ACSM2B: variants seen among roughly 807,000 people sequenced by gnomAD.
ACSM2B encodes acyl-CoA synthetase medium chain family member 2B.
A neutral mutation model predicts 78.6 loss-of-function variants in ACSM2B; 58 were observed. The ratio of observed to expected loss-of-function variants is 0.74; its 90% CI spans 0.60 to 0.92. The LOEUF (loss-of-function observed/expected upper bound fraction) is 0.92, where lower values mean the gene tolerates loss of function less well. ACSM2B is among the 40% of genes least tolerant of loss of function. The probability of loss-of-function intolerance (pLI) is 0.00; values close to 1 mark genes in which losing one functional copy is unlikely to be tolerated. For missense variants in ACSM2B, 688 were observed against 711.2 expected (o/e 0.97, Z 0.37); for synonymous variants, 257 against 256.8 (o/e 1.00, Z -0.01).
At chr16:20,555,594 C>T (rs1344714314) in intron 3 of ACSM2B, 118 bp from the exon 4 acceptor site, 10 of 1,509,024 alleles carry the variant, frequency 6.6e-6, no homozygotes, top group Non-Finnish European at 8.8e-6. Flanking sequence ...GAAGTAATGA[C>T]CAATGGAGAA....
At chr16:20,547,807 G>C (rs2015184210) in intron 8 of ACSM2B, 2 of 1,021,650 alleles carry the variant, frequency 2.0e-6, no homozygotes, top group Non-Finnish European at 1.3e-6. Flanking sequence ...CTCACCACCT[G>C]CCATGCTAGA....
In ACSM2B at chr16:20,565,147, G is replaced by A. The variant is rs142107533; in HGVS notation, c.-8-294C>T. Among the ~76,000 whole-genome samples the A allele has an allele frequency of 4.0e-4, 61 of 152,204 alleles. 1 individual carries two copies. The East Asian group carries it at 0.01, about 26-fold the overall frequency. ...AATCCCCTTGTGCTTAAAATACAGT[G>A]GGTCATAGATGGGATAGTTGTTCCC... On this transcript the variant is annotated intron_variant, in intron 1 of 13. Coordinates refer to ENST00000329697, the MANE Select transcript of ACSM2B (RefSeq NM_001105069.2).
chr16:20,573,476 G>A (rs1407923834), intron 1 of ACSM2B, among the ~76,000 whole-genome samples: 1 of 146,606 alleles, frequency 6.8e-6, no homozygotes, highest in African/African-American at 2.7e-5. Flanking sequence ...TGGGTGGGGA[G>A]GAAGTTGTTT....
At chr16:20,556,889 T>C (rs1461754602) in intron 3 of ACSM2B, among the ~76,000 whole-genome samples, 1 of 152,178 alleles carries the variant, frequency 6.6e-6, no homozygotes, top group Non-Finnish European at 1.5e-5. Context: ...TGGCTTGTTC[T>C]CTCTTTCCAC....
At chr16:20,565,580 T>C (rs12925561) in intron 1 of ACSM2B, among the ~76,000 whole-genome samples, 1 of 152,032 alleles carries the variant, frequency 6.6e-6, no homozygotes, top group Non-Finnish European at 1.5e-5. Flanking sequence ...TTTCTTTAAA[T>C]TGAATCTGGA....
chr16:20,548,197 A>T lies in ACSM2B; in HGVS notation c.975-12T>A. 3 of 1,613,984 alleles carry T rather than the reference A, an allele frequency of 1.9e-6. No homozygotes were observed. Among genetic ancestry groups the T allele is most frequent in the Non-Finnish European group, 2.5e-6 (3 of 1,179,888 alleles). On this transcript the variant is annotated splice_polypyrimidine_tract_variant and intron_variant, in intron 7 of 13. Transcript: ENST00000329697. ...GGGGGAACTTGTAACTGAAGAAGAG[A>T]AATAAATGTTTGCCCTCAGCCTCCC...
chr16:20,542,366 G>A (rs1269243139), intron 12 of ACSM2B: 2 of 151,138 alleles, frequency 1.3e-5, no homozygotes, highest in African/African-American at 4.9e-5. Context: ...TTTATTTTCT[G>A]TGCCTGGCTT....
rs545458864 is a variant in ACSM2B, at chr16:20,564,616, T to C, written c.177+53A>G. The C allele has an allele frequency of 7.1e-4, 1,132 of 1,585,618 alleles. 2 individuals are homozygous for C. Among genetic ancestry groups the C allele is most frequent in the Non-Finnish European group, 8.5e-4 (988 of 1,168,808 alleles). On this transcript the variant is annotated intron_variant, in intron 2 of 13. Transcript: ENST00000329697. ...AATATTTACTGAATTAATGGATGAA[T>C]TTTAAAAGTCAACAAAATTGTCTCA...
intron 3 of ACSM2B, among the ~76,000 whole-genome samples, chr16:20,556,010 C>G (rs573274775): frequency 6.6e-6 from 1 of 151,972 alleles, no homozygotes; most frequent in Non-Finnish European, 1.5e-5. Flanking sequence ...GGGTACAAAG[C>G]GGTATTATAA....
rs71377664 is a variant in ACSM2B, at chr16:20,540,250, G to GTT, written c.1629+402_1629+403dup. Reference sequence around the variant, plus strand: ...TTTTTTTTTTTTGTTTGTTTGTTTGGTTTTTTTTTTGAGACAGGGTCTCAC... The same window carrying GTT: ...TTTTTTTTTTTTGTTTGTTTGTTTGGTTTTTTTTTTTTGAGACAGGGTCTCAC... On this transcript the variant is annotated intron_variant, in intron 13 of 13. Coordinates refer to ENST00000329697, the MANE Select transcript of ACSM2B (RefSeq NM_001105069.2). Among the ~76,000 whole-genome samples the GTT allele has an allele frequency of 8.6e-3, 1,238 of 143,438 alleles. 14 individuals are homozygous for GTT. The highest frequency in any genetic ancestry group is 0.013 in the Non-Finnish European group (892 of 66,162). 94.1% of individuals were successfully genotyped at this position (143,438 alleles called of 152,430 possible). A position where few individuals can be genotyped will look rare whatever the true frequency, so the allele number is the denominator to read the frequency against.
At chr16:20,540,603 A>C in intron 13 of ACSM2B, 51 bp downstream of exon 13, 1 of 1,601,146 alleles carries the variant, frequency 6.2e-7, no homozygotes, top group Non-Finnish European at 8.5e-7. Context: ...ATATAACAGG[A>C]AAACAATCTA....
intron 1 of ACSM2B, among the ~76,000 whole-genome samples, chr16:20,573,221 C>A (rs1272347035): frequency 1.3e-5 from 2 of 151,784 alleles, no homozygotes; most frequent in Non-Finnish European, 2.9e-5. Context: ...ATCTGGGGCT[C>A]AAGGCTACTG....
At chr16:20,564,625 T>C (rs2015763159) in intron 2 of ACSM2B, 44 bp downstream of exon 2, 2 of 1,596,836 alleles carry the variant, frequency 1.3e-6, no homozygotes, top group Non-Finnish European at 8.5e-7. Context: ...ATTTTAAAAG[T>C]CAACAAAATT....
intron 1 of ACSM2B, among the ~76,000 whole-genome samples, chr16:20,575,229 T>C (rs935198172): frequency 4.0e-5 from 6 of 151,858 alleles, no homozygotes; most frequent in Non-Finnish European, 8.8e-5. Context: ...CCAAAATCTG[T>C]ATTAGTCAGG....
At position 20,543,098 on chromosome 16, in the gene ACSM2B, C is replaced by T. The variant is rs375757501; in HGVS notation, c.1409+37G>A. 2.4e-5 allele frequency: 38 copies of T among 1,613,560 alleles called. No homozygotes were observed. The African/African-American group carries it at 4.7e-4, about 20-fold the overall frequency. ...AGTCTGGAACCAGCCAGAGTAAAGA[C>T]CCAGATTTCCCTTCCCAACCCAGAA... On this transcript the variant is annotated intron_variant, in intron 11 of 13. Coordinates refer to ENST00000329697, the MANE Select transcript of ACSM2B (RefSeq NM_001105069.2).
rs1225787503 is a variant in ACSM2B at position 20,559,421 on chromosome 16, G to A, written c.204C>T (p.Ala68=). Residue 68 remains alanine, a synonymous_variant, in exon 3 of 14, where the codon GCC becomes GCT. Transcript: ENST00000329697. ...EKAGKRLPSP[A]LWWVNGKGKE... Reference sequence around the variant, plus strand: ...TCCCCTTCCCATTCACCCACCACAGGGCTGGGCTTGGGAGTCGCTTGCCAG... The same window carrying A: ...TCCCCTTCCCATTCACCCACCACAGAGCTGGGCTTGGGAGTCGCTTGCCAG... 5.6e-6 allele frequency: 9 copies of A among 1,612,890 alleles called. No individual in the cohort carries two copies. The highest frequency in any genetic ancestry group is 2.2e-5 in the East Asian group (1 of 44,890).
At chr16:20,540,260 TG>T (rs1374662424) in intron 13 of ACSM2B, among the ~76,000 whole-genome samples, 1 of 151,542 alleles carries the variant, frequency 6.6e-6, no homozygotes, top group Non-Finnish European at 1.5e-5. Flanking sequence ...GTTTTTTTTT[TG>T]AGACAGGGTC....
chr16:20,564,874 A>G (rs1228803806), intron 1 of ACSM2B, 21 bp from the exon 2 acceptor site: 4 of 1,591,094 alleles, frequency 2.5e-6, no homozygotes, highest in South Asian at 1.1e-5. Context: ...AAGAAGAGAC[A>G]CAGGTAAGAG....
chr16:20,546,310 T>C (rs2015140567), intron 9 of ACSM2B, 84 bp downstream of exon 9: 1 of 1,516,452 alleles, frequency 6.6e-7, no homozygotes, highest in African/African-American at 1.4e-5. Flanking sequence ...CTATTATTTT[T>C]GACTCAATAA....
Sources: gnomAD v4.1 joint callset for allele counts (sites outside exome capture counted in the v4.1 genomes callset) on GRCh38, gnomAD v4.1.1 for gene constraint, MANE v1.5 for transcripts, NCBI Gene and HGNC (gene_info 2026-07-23, HGNC 2026-07-21) for gene names.